The following MTO1 variants were observed in gnomAD, a reference collection of about 807,000 sequenced individuals.
MTO1 encodes the protein 5-taurinomethyluridine-[tRNA] synthase subunit MTO1, mitochondrial.
In MTO1, 46 loss-of-function variants were observed where a neutral mutation model predicts 71.6. The ratio of observed to expected loss-of-function variants is 0.64; its 90% CI spans 0.51 to 0.82. The LOEUF is 0.82. MTO1 is among the 40% of genes least tolerant of loss of function. The pLI is 0.00. For synonymous variants in MTO1, 297 were observed against 312.1 expected (o/e 0.95, Z 0.51); for missense variants, 773 against 867.5 (o/e 0.89, Z 1.37).
rs1401215582 is a variant in MTO1 at position 73,500,631 on chromosome 6, A to G, written c.1975A>G (p.Arg659Gly). The G allele has an allele frequency of 6.2e-7, 1 of 1,613,846 alleles. No homozygotes were observed. Among genetic ancestry groups the G allele is most frequent in the Non-Finnish European group, 8.5e-7 (1 of 1,179,936 alleles). The part of the protein sequence containing the change: ...VTPAAIINLL[R>G]FVKTTQRRQS... Reference sequence around the variant, plus strand: ...ACCTGCCGCCATCATCAATCTGCTGAGATTTGTGAAGACCACTCAACGAAG... The same window carrying G: ...ACCTGCCGCCATCATCAATCTGCTGGGATTTGTGAAGACCACTCAACGAAG... The change falls in exon 12 of 12, where the codon AGA becomes GGA. Residue 659 changes from arginine (R) to glycine (G), a missense_variant. Coordinates refer to ENST00000498286, the MANE Select transcript of MTO1 (RefSeq NM_012123.4).
chr6:73,473,363 A>T lies in MTO1; in HGVS notation c.536-2A>T, dbSNP rs748837383. On this transcript the variant is annotated splice_acceptor_variant, in intron 3 of 11. Transcript: ENST00000498286. LOFTEE classifies it high-confidence loss of function. ...ACTTTATTCTTTTTTCTTGTTATTTAGTGGATGGAAGCACAGTATATGCAG... is the reference window on the plus strand; with the variant it reads ...ACTTTATTCTTTTTTCTTGTTATTTTGTGGATGGAAGCACAGTATATGCAG... 2 of 1,597,014 alleles carry T rather than the reference A, an allele frequency of 1.3e-6. No homozygotes were observed. Among genetic ancestry groups the T allele is most frequent in the African/African-American group, 1.3e-5 (1 of 74,166 alleles).
chr6:73,463,020 CTTT>C (rs538317090), intron 1 of MTO1, among the ~76,000 whole-genome samples: 4,863 of 140,988 alleles, frequency 0.034, 270 homozygotes, highest in Admixed American at 0.15. Flanking sequence ...ACCATGCTAC[CTTT>C]TTTTTTTTTT....
chr6:73,479,270 G>A (rs1771419540), intron 4 of MTO1, among the ~76,000 whole-genome samples: 1 of 152,086 alleles, frequency 6.6e-6, no homozygotes, highest in South Asian at 2.1e-4. Context: ...TGAGGCAGGT[G>A]GATCGCCTGA....
In MTO1 at chr6:73,462,028, C is replaced by T. The variant is rs751273309; in HGVS notation, c.174C>T (p.Cys58=). Residue 58 remains cysteine (C), a synonymous_variant, in exon 1 of 12, where the codon TGC becomes TGT. Coordinates refer to ENST00000498286, the MANE Select transcript of MTO1 (RefSeq NM_012123.4). ...AGGCAGCCACCGCCGCCGCTCGGTG[C>T]GGCTCTCGGACTCTGCTCCTCACTC... ...GTEAATAAAR[C]GSRTLLLTHR... The T allele has an allele frequency of 1.9e-6, 3 of 1,614,046 alleles. No individual in the cohort carries two copies. Among genetic ancestry groups the T allele is most frequent in the South Asian group, 2.2e-5 (2 of 91,084 alleles).
chr6:73,461,813 C>G lies in MTO1; in HGVS notation c.-42C>G, dbSNP rs1425888907. On this transcript the variant is annotated 5_prime_UTR_variant, in exon 1 of 12. Coordinates refer to ENST00000498286, the MANE Select transcript of MTO1 (RefSeq NM_012123.4). ...TTGTTGCGTAAGTTTTTTTGACCGTCACTCGTGTCAGCTTCAAAGTCAGAT... is the reference window on the plus strand; with the variant it reads ...TTGTTGCGTAAGTTTTTTTGACCGTGACTCGTGTCAGCTTCAAAGTCAGAT... 6.3e-7 allele frequency: 1 copy of G among 1,588,078 alleles called. No homozygotes were observed. Among genetic ancestry groups the G allele is most frequent in the Non-Finnish European group, 8.6e-7 (1 of 1,159,792 alleles).
rs552539500 is a variant in MTO1, at chr6:73,499,753, G to A, written c.1918-821G>A. Among the ~76,000 whole-genome samples the A allele has an allele frequency of 5.9e-5, 9 of 152,220 alleles. No individual in the cohort carries two copies. The South Asian group carries it at 1.9e-3, about 32-fold the overall frequency. ...TGCCCACAATTCTATAATACAAAAG[G>A]CTCTGGCAGAAGTTTGCCACAAGCT... On this transcript the variant is annotated intron_variant, in intron 11 of 11. Coordinates refer to ENST00000498286, the MANE Select transcript of MTO1 (RefSeq NM_012123.4).
In MTO1 at chr6:73,508,999, C is replaced by A. The variant is rs1772356871; in HGVS notation, c.*8264C>A. 6.6e-6 allele frequency: 1 copy of A among 152,234 alleles called. No homozygotes were observed. Among genetic ancestry groups the A allele is most frequent in the African/African-American group, 2.4e-5 (1 of 41,456 alleles). 9.4% of individuals were successfully genotyped at this position (152,234 alleles called of 1,614,324 possible). On this transcript the variant is annotated 3_prime_UTR_variant, in exon 12 of 12. Transcript: ENST00000498286. ...TCACCAGAAGGCTGAGAACCAGTTC[C>A]TCAGTTTGCATGCCTCCAGACAGCA...
At position 73,503,992 on chromosome 6, in the gene MTO1, A is replaced by G. The variant is rs1772225782; in HGVS notation, c.*3257A>G. 1 of 152,210 alleles carries G rather than the reference A, an allele frequency of 6.6e-6. No homozygotes were observed. Among genetic ancestry groups the G allele is most frequent in the African/African-American group, 2.4e-5 (1 of 41,448 alleles). 9.4% of individuals were successfully genotyped at this position (152,210 alleles called of 1,614,324 possible). A position where few individuals can be genotyped will look rare whatever the true frequency, so the allele number is the denominator to read the frequency against. ...TCCAGAAGAAGTGGTCAGGAGTATCAGGAAAGCCACCAGCAGAGACTAGGG... is the reference window on the plus strand; with the variant it reads ...TCCAGAAGAAGTGGTCAGGAGTATCGGGAAAGCCACCAGCAGAGACTAGGG... On this transcript the variant is annotated 3_prime_UTR_variant, in exon 12 of 12. Transcript: ENST00000498286.
intron 7 of MTO1, 173 bp downstream of exon 7, chr6:73,480,978 T>G (rs1024598325): frequency 1.1e-4 from 68 of 606,968 alleles, no homozygotes; most frequent in East Asian, 9.7e-4. Context: ...GGTTTTTTTT[T>G]TTTTTTTTTT....
At chr6:73,489,912 A>G (rs1283428123) in intron 9 of MTO1, among the ~76,000 whole-genome samples, 2 of 152,194 alleles carry the variant, frequency 1.3e-5, no homozygotes, top group Admixed American at 6.6e-5. Flanking sequence ...CCAACAGTGT[A>G]AAAGTGTTCC....
chr6:73,499,487 A>G (rs1005602581), intron 11 of MTO1, among the ~76,000 whole-genome samples: 5 of 150,956 alleles, frequency 3.3e-5, no homozygotes, highest in Non-Finnish European at 4.4e-5. Flanking sequence ...ATACCACTAC[A>G]TCCCAGCCTG....
At chr6:73,494,121 G>T (rs985011954) in intron 10 of MTO1, among the ~76,000 whole-genome samples, 4 of 151,920 alleles carry the variant, frequency 2.6e-5, no homozygotes, top group African/African-American at 9.7e-5. Context: ...TATAATCCCA[G>T]CTACTCGGGA....
intron 11 of MTO1, among the ~76,000 whole-genome samples, chr6:73,500,055 A>C (rs985367821): frequency 2.0e-5 from 3 of 152,262 alleles, no homozygotes; most frequent in African/African-American, 7.2e-5. Context: ...GCTGGAGTGC[A>C]GTGGCATAAT....
rs764281639 is a variant in MTO1 at position 73,500,781 on chromosome 6, TCAATA to T, written c.*50_*54del. ...TTTAAAGAGCATATAAATAATTTGA[TCAATA>T]CAACAGTATAGATAAAAGAATTATT... is the stretch of plus-strand genomic sequence containing the variant. On this transcript the variant is annotated 3_prime_UTR_variant, in exon 12 of 12. Coordinates refer to ENST00000498286, the MANE Select transcript of MTO1 (RefSeq NM_012123.4). 4.1e-6 allele frequency: 6 copies of T among 1,456,258 alleles called. No individual in the cohort carries two copies. The highest frequency in any genetic ancestry group is 4.6e-6 in the Non-Finnish European group (5 of 1,078,024). The allele number at this position is 1,456,258 out of a possible 1,614,324, so 90.2% of individuals were successfully genotyped here.
chr6:73,463,617 C>A (rs1247921608), intron 1 of MTO1, among the ~76,000 whole-genome samples: 1 of 152,108 alleles, frequency 6.6e-6, no homozygotes, highest in East Asian at 1.9e-4. Context: ...AATAACCATT[C>A]AGCTCATAAC....
At chr6:73,497,221 C>T (rs1185564696) in intron 10 of MTO1, among the ~76,000 whole-genome samples, 1 of 118,750 alleles carries the variant, frequency 8.4e-6, no homozygotes, top group African/African-American at 3.2e-5. Flanking sequence ...AGCGCTATAT[C>T]GGCTCACTGC....
At chr6:73,462,784 T>C (rs1296434913) in intron 1 of MTO1, among the ~76,000 whole-genome samples, 1 of 152,122 alleles carries the variant, frequency 6.6e-6, no homozygotes, top group South Asian at 2.1e-4. Flanking sequence ...GTTCTTGTGT[T>C]TTTATTTAAA....
At chr6:73,464,951 T>A (rs1053904996) in intron 1 of MTO1, among the ~76,000 whole-genome samples, 3 of 152,090 alleles carry the variant, frequency 2.0e-5, no homozygotes, top group Non-Finnish European at 2.9e-5. Context: ...ACAAAAACTT[T>A]TGAGGTAACC....
At chr6:73,465,798 T>G (rs1002065581) in intron 1 of MTO1, among the ~76,000 whole-genome samples, 3 of 151,956 alleles carry the variant, frequency 2.0e-5, no homozygotes, top group Non-Finnish European at 2.9e-5. Context: ...ACCAGCCTGG[T>G]CGACATGGTG....
Sources: allele counts gnomAD v4.1 joint callset (sites outside exome capture counted in the v4.1 genomes callset), GRCh38; gene constraint gnomAD v4.1.1; transcripts MANE v1.5; gene names NCBI Gene and HGNC (gene_info 2026-07-23, HGNC 2026-07-21).